The following FAM78B variants were observed in gnomAD, a reference collection of about 807,000 sequenced individuals.
FAM78B encodes family with sequence similarity 78 member B.
A neutral mutation model predicts 20.0 loss-of-function variants in FAM78B; 10 were observed. The observed-to-expected ratio is 0.50, with a 90% CI of 0.31 to 0.85. The LOEUF is 0.85. Ranked by LOEUF, FAM78B falls within the 40% of genes least tolerant of loss-of-function variation. The probability of loss-of-function intolerance (pLI) is 0.05; values close to 1 mark genes in which losing one functional copy is unlikely to be tolerated. For synonymous variants in FAM78B, 135 were observed against 132.8 expected, an observed-to-expected ratio of 1.02 and a Z score of -0.12; for missense variants, 283 against 345.0, an observed-to-expected ratio of 0.82 and a Z score of 1.42.
chr1:166,081,694 T>C (rs1420763117), intron 1 of FAM78B, among the ~76,000 whole-genome samples: 1 of 152,128 alleles, frequency 6.6e-6, no homozygotes, highest in Non-Finnish European at 1.5e-5. Flanking sequence ...GTCAGATGCC[T>C]TCCCACAGGA....
chr1:166,109,828 ATATG>A lies in FAM78B; in HGVS notation c.264-39069_264-39066del, dbSNP rs1345222989. ...TATGTATATATGTATATATATATAT[ATATG>A]TATATATGTATATATATATATATAT... On this transcript the variant is annotated intron_variant, in intron 1 of 1. Transcript: ENST00000354422. 2.7e-3 allele frequency among the ~76,000 whole-genome samples: 50 copies of A among 18,848 alleles called. 10 individuals are homozygous for A. Among genetic ancestry groups the A allele is most frequent in the East Asian group, 6.5e-3 (2 of 308 alleles). The allele number at this position is 18,848 out of a possible 152,430, so 12.4% of individuals were successfully genotyped here.
chr1:166,154,016 A>C (rs1655794516), intron 1 of FAM78B, among the ~76,000 whole-genome samples: 1 of 152,150 alleles, frequency 6.6e-6, no homozygotes, highest in Non-Finnish European at 1.5e-5. Context: ...ATTGACTGAA[A>C]CCAACTAAAA....
At position 166,111,674 on chromosome 1, in the gene FAM78B, T is replaced by C. The variant is rs542906184; in HGVS notation, c.264-40911A>G. 1.4e-4 allele frequency among the ~76,000 whole-genome samples: 21 copies of C among 152,356 alleles called. No individual in the cohort carries two copies. In the South Asian group the frequency reaches 4.1e-3, roughly 30 times the overall value. On this transcript the variant is annotated intron_variant, in intron 1 of 1. Coordinates refer to ENST00000354422, the MANE Select transcript of FAM78B (RefSeq NM_001017961.5). ...TTTATAACAGAAAACTGTCAAGTGG[T>C]AAGTGGACTGGGATGCCCTCTGCAT...
Position 166,073,536 on chromosome 1 carries a change from C to T in FAM78B, c.264-2773G>A, listed in dbSNP as rs528617321. On this transcript the variant is annotated intron_variant, in intron 1 of 1. Transcript: ENST00000354422. The stretch of plus-strand genomic sequence containing the variant: ...TCGCTCCCTTCCTTTCTCTTTCTCT[C>T]TTTTTTTTTTTTTTTCCAAAAGGAG... Among the ~76,000 whole-genome samples the T allele has an allele frequency of 2.5e-3, 341 of 135,800 alleles. No individual in the cohort carries two copies. In the East Asian group the frequency reaches 0.033, roughly 13 times the overall value. 89.1% of individuals were successfully genotyped at this position (135,800 alleles called of 152,430 possible).
intron 1 of FAM78B, among the ~76,000 whole-genome samples, chr1:166,111,128 A>G (rs1321366221): frequency 6.6e-6 from 1 of 152,166 alleles, no homozygotes; most frequent in African/African-American, 2.4e-5. Flanking sequence ...ACCATCCCAC[A>G]AACACTAGCA....
chr1:166,067,163 G>C (rs371882683), downstream of FAM78B, among the ~76,000 whole-genome samples: 10 of 152,150 alleles, frequency 6.6e-5, no homozygotes, highest in African/African-American at 2.2e-4. Flanking sequence ...ACAAGAGGCT[G>C]TGAGTTCTAG....
chr1:166,092,405 C>T (rs918296868), intron 1 of FAM78B, among the ~76,000 whole-genome samples: 4 of 152,194 alleles, frequency 2.6e-5, no homozygotes, highest in East Asian at 1.9e-4. Flanking sequence ...CTTGTTCAAA[C>T]GGGCCCCTCC....
downstream of FAM78B, among the ~76,000 whole-genome samples, chr1:166,064,716 T>A (rs145716179): frequency 6.6e-6 from 1 of 152,354 alleles, no homozygotes; most frequent in African/African-American, 2.4e-5. Flanking sequence ...CCAGAGGGCC[T>A]GCCATCAGCT....
At chr1:166,122,248 G>A (rs1014942560) in intron 1 of FAM78B, among the ~76,000 whole-genome samples, 1 of 152,126 alleles carries the variant, frequency 6.6e-6, no homozygotes, top group Non-Finnish European at 1.5e-5. Context: ...TCAGGAGAAG[G>A]CTGCTCTGCC....
At chr1:166,095,575 G>A (rs1653245097) in intron 1 of FAM78B, among the ~76,000 whole-genome samples, 1 of 152,136 alleles carries the variant, frequency 6.6e-6, no homozygotes, top group South Asian at 2.1e-4. Flanking sequence ...GTTTTTAATA[G>A]GAGCGTTATG....
In FAM78B at chr1:166,166,430, C is replaced by CG. The variant is rs1289533325; in HGVS notation, c.-183dup. On this transcript the variant is annotated 5_prime_UTR_variant, in exon 1 of 2. It introduces an in-frame stop codon into an upstream open reading frame of the 5' UTR. Coordinates refer to ENST00000354422, the MANE Select transcript of FAM78B (RefSeq NM_001017961.5). Reference sequence around the variant, plus strand: ...GAAGCCCCCTCCTCTTGCAGCCGCGCGGGGTCCCCGCTGCCCCGACGTCCG... The same window carrying CG: ...GAAGCCCCCTCCTCTTGCAGCCGCGCGGGGGTCCCCGCTGCCCCGACGTCCG... 2.3e-5 allele frequency: 8 copies of CG among 346,262 alleles called. No individual in the cohort carries two copies. Among genetic ancestry groups the CG allele is most frequent in the Non-Finnish European group, 3.3e-5 (8 of 244,698 alleles). The allele number at this position is 346,262 out of a possible 1,614,324, so 21.4% of individuals were successfully genotyped here.
rs1202654079 is a variant in FAM78B, at chr1:166,070,680, C to T, written c.347G>A (p.Gly116Glu). The T allele has an allele frequency of 1.2e-6, 2 of 1,613,348 alleles. No individual in the cohort carries two copies. The highest frequency in any genetic ancestry group is 1.7e-6 in the Non-Finnish European group (2 of 1,179,866). ...DSDGVSYPWY[G>E]NTTETVTLVG... ...CAGGGTCACAGTTTCTGTGGTGTTC[C>T]CGTACCAAGGGTAGCTCACCCCATC... Residue 116 changes from glycine (G) to glutamate (E), a missense_variant, in exon 2 of 2, where the codon GGG becomes GAG. Physicochemically the swap from Gly to Glu is moderately conservative, Grantham distance 98. Transcript: ENST00000354422.
intron 1 of FAM78B, among the ~76,000 whole-genome samples, chr1:166,114,481 C>T (rs950490985): frequency 6.6e-6 from 1 of 152,188 alleles, no homozygotes; most frequent in Admixed American, 6.5e-5. Context: ...ACTACACTTC[C>T]CCCCAGGAAG....
At chr1:166,147,993 C>A (rs1655527235) in intron 1 of FAM78B, 1 of 152,190 alleles carries the variant, frequency 6.6e-6, no homozygotes, top group Non-Finnish European at 1.5e-5. Context: ...GAAATTAATT[C>A]TTGGTGACGG....
intron 1 of FAM78B, among the ~76,000 whole-genome samples, chr1:166,124,617 T>C (rs1291604342): frequency 6.6e-6 from 1 of 152,168 alleles, no homozygotes; most frequent in East Asian, 1.9e-4. Context: ...TGAGTTCTGC[T>C]TTAGAAATAA....
At chr1:166,074,354 C>T (rs955009448) in intron 1 of FAM78B, among the ~76,000 whole-genome samples, 1 of 152,160 alleles carries the variant, frequency 6.6e-6, no homozygotes, top group Non-Finnish European at 1.5e-5. Flanking sequence ...ATATGTATCA[C>T]CTCCTCCAGG....
At chr1:166,088,900 C>T (rs548191835) in intron 1 of FAM78B, among the ~76,000 whole-genome samples, 1 of 152,306 alleles carries the variant, frequency 6.6e-6, no homozygotes, top group East Asian at 1.9e-4. Context: ...GTGCTCCACA[C>T]AGTCCTGCAT....
At chr1:166,143,312 G>A (rs1460691052) in intron 1 of FAM78B, among the ~76,000 whole-genome samples, 5 of 152,030 alleles carry the variant, frequency 3.3e-5, no homozygotes, top group African/African-American at 7.2e-5. Flanking sequence ...GAGAGGGTAA[G>A]CCTGGCTGGG....
At chr1:166,145,635 T>C (rs1232717810) in intron 1 of FAM78B, among the ~76,000 whole-genome samples, 1 of 152,180 alleles carries the variant, frequency 6.6e-6, no homozygotes, top group Non-Finnish European at 1.5e-5. Context: ...TTAGCAAAAA[T>C]CCAGCAAAAC....
Sources: allele counts gnomAD v4.1 joint callset (sites outside exome capture counted in the v4.1 genomes callset), GRCh38; gene constraint gnomAD v4.1.1; transcripts MANE v1.5; gene names NCBI Gene and HGNC (gene_info 2026-07-23, HGNC 2026-07-21).